Variants in ADARB1 observed in about 807,000 individuals in gnomAD.
The protein encoded by ADARB1 is double-stranded RNA-specific editase 1.
A neutral mutation model predicts 52.4 loss-of-function variants in ADARB1; 10 were observed. The observed-to-expected ratio is 0.19, with a 90% confidence interval of 0.12 to 0.32. The LOEUF is 0.32. ADARB1 is among the 10% of genes least tolerant of loss of function. ADARB1 has a pLI of 1.00. For synonymous variants in ADARB1, 349 were observed against 371.1 expected (o/e 0.94, Z 0.68); for missense variants, 643 against 922.3 (o/e 0.70, Z 3.92).
At chr21:45,185,243 C>A (rs2092062354) in intron 8 of ADARB1, 152 bp downstream of exon 8, 1 of 1,077,876 alleles carries the variant, frequency 9.3e-7, no homozygotes, top group South Asian at 1.7e-5. Context: ...AGGTTCTAAA[C>A]AGGTGCTGCT....
chr21:45,143,905 C>T (rs13047590), intron 2 of ADARB1, among the ~76,000 whole-genome samples: 28,145 of 152,172 alleles, frequency 0.18, 3,604 homozygotes, highest in African/African-American at 0.36. Flanking sequence ...TGACACTTGA[C>T]GGCAGTTCAT....
intron 8 of ADARB1, among the ~76,000 whole-genome samples, chr21:45,194,374 C>A (rs1021886580): frequency 5.9e-5 from 9 of 152,216 alleles, no homozygotes; most frequent in African/African-American, 2.2e-4. Flanking sequence ...CCTGTATCCA[C>A]CATCACAGTG....
rs982562564 is a variant in ADARB1, at chr21:45,142,851, G to C, written c.-48+14278G>C. Among the ~76,000 whole-genome samples the C allele has an allele frequency of 6.6e-6, 1 of 152,198 alleles. No homozygotes were observed. The highest frequency in any genetic ancestry group is 6.5e-5 in the Admixed American group (1 of 15,286). On this transcript the variant is annotated intron_variant, in intron 2 of 10. Coordinates refer to ENST00000348831, the MANE Select transcript of ADARB1 (RefSeq NM_001112.4). This position sits in a 1 kb window ranked among gnomAD's most constrained non-coding sequence, Gnocchi z 4.0. The stretch of plus-strand genomic sequence containing the variant: ...TGCCTACGGCCCTTGGCTAATAGAA[G>C]AGGGAGCAGGGCTTTGACCAGGGGG...
chr21:45,078,752 C>G (rs1344781292), intron 1 of ADARB1, among the ~76,000 whole-genome samples: 3 of 152,156 alleles, frequency 2.0e-5, no homozygotes, highest in Non-Finnish European at 2.9e-5. Context: ...CTTAAGGGAG[C>G]CTTTCTTCCT....
At chr21:45,135,640 C>T (rs58468220) in intron 2 of ADARB1, among the ~76,000 whole-genome samples, 17,573 of 152,136 alleles carry the variant, frequency 0.12, 1,331 homozygotes, top group East Asian at 0.26. Flanking sequence ...TAATTTAGGT[C>T]GAAAAGCAAA....
At chr21:45,187,852 G>T (rs1202583719) in intron 8 of ADARB1, among the ~76,000 whole-genome samples, 1 of 152,118 alleles carries the variant, frequency 6.6e-6, no homozygotes, top group Non-Finnish European at 1.5e-5. Context: ...TGCATTCCAG[G>T]AGTATCATAA....
rs139579807 is a variant in ADARB1 at position 45,075,122 on chromosome 21, C to T, written c.-220+329C>T. Among the ~76,000 whole-genome samples, 644 of 151,380 alleles carry T rather than the reference C, an allele frequency of 4.3e-3. 8 individuals carry two copies. The highest frequency in any genetic ancestry group is 0.013 in the Admixed American group (197 of 15,240). The stretch of plus-strand genomic sequence containing the variant: ...AGGTGCGCCGGGACGAGGCTGCGCC[C>T]TGGGGACCGAGACTGCGTTTTGGGG... On this transcript the variant is annotated intron_variant, in intron 1 of 10. Coordinates refer to ENST00000348831, the MANE Select transcript of ADARB1 (RefSeq NM_001112.4).
rs1036503572 is a variant in ADARB1, at chr21:45,198,492, TTAAATCA to T, written c.1566-6062_1566-6056del. Among the ~76,000 whole-genome samples the T allele has an allele frequency of 1.2e-3, 170 of 142,664 alleles. 2 individuals carry two copies. The highest frequency in any genetic ancestry group is 1.7e-3 in the African/African-American group (68 of 39,114). 93.6% of individuals were successfully genotyped at this position (142,664 alleles called of 152,430 possible). A position where few individuals can be genotyped will look rare whatever the true frequency, so the allele number is the denominator to read the frequency against. The stretch of plus-strand genomic sequence containing the variant: ...TTGGAATAGAACTCTGCCTATTAAA[TTAAATCA>T]CACACACACACACACACACACATAC... On this transcript the variant is annotated intron_variant, in intron 8 of 10. Coordinates refer to ENST00000348831, the MANE Select transcript of ADARB1 (RefSeq NM_001112.4).
In ADARB1 at chr21:45,148,873, T is replaced by TC. The variant is rs1258441527; in HGVS notation, c.-48+20300_-48+20301insC. Among the ~76,000 whole-genome samples the TC allele has an allele frequency of 2.6e-5, 4 of 152,318 alleles. 1 individual carries two copies. Among genetic ancestry groups the TC allele is most frequent in the Non-Finnish European group, 1.5e-5 (1 of 68,038 alleles). On this transcript the variant is annotated intron_variant, in intron 2 of 10. Coordinates refer to ENST00000348831, the MANE Select transcript of ADARB1 (RefSeq NM_001112.4). ...TCCACCCATGCCGCCATGGGAGAGT[T>TC]TAGGCTGTCTCGTCCCTGACTGGCC...
chr21:45,224,391 C>T lies in ADARB1; in HGVS notation c.*2194C>T, dbSNP rs923881043. ...GAGACCATGTGAGGTGGCACCTTTC[C>T]GGGGTGGACTCGTGCGGCCTTGAGG... On this transcript the variant is annotated 3_prime_UTR_variant, in exon 11 of 11. Transcript: ENST00000348831. The T allele has an allele frequency of 2.0e-5, 20 of 983,168 alleles. No individual in the cohort carries two copies. Among genetic ancestry groups the T allele is most frequent in the African/African-American group, 1.6e-4 (9 of 56,582 alleles). 60.9% of individuals were successfully genotyped at this position (983,168 alleles called of 1,614,324 possible).
intron 8 of ADARB1, among the ~76,000 whole-genome samples, chr21:45,191,709 A>G (rs1385218814): frequency 6.6e-6 from 1 of 151,346 alleles, no homozygotes; most frequent in Non-Finnish European, 1.5e-5. Context: ...ACTTTTTCTA[A>G]ACTTTTTAAT....
chr21:45,132,378 C>T, intron 2 of ADARB1: 1 of 152,210 alleles, frequency 6.6e-6, no homozygotes, highest in South Asian at 2.1e-4. Flanking sequence ...TCTGTCATTC[C>T]AGAGAGTTTT....
intron 1 of ADARB1, among the ~76,000 whole-genome samples, chr21:45,118,112 A>G (rs1170728342): frequency 3.3e-5 from 5 of 152,234 alleles, no homozygotes; most frequent in Non-Finnish European, 7.3e-5. Context: ...ATGATAGTAT[A>G]TTTTGCCATA....
At chr21:45,197,552 C>T (rs147685891) in intron 8 of ADARB1, among the ~76,000 whole-genome samples, 1 of 151,544 alleles carries the variant, frequency 6.6e-6, no homozygotes, top group African/African-American at 2.4e-5. Flanking sequence ...CTAGCCATTT[C>T]ACTCCTAGTG....
At chr21:45,203,653 G>A (rs1193166148) in intron 8 of ADARB1, among the ~76,000 whole-genome samples, 1 of 152,218 alleles carries the variant, frequency 6.6e-6, no homozygotes, top group African/African-American at 2.4e-5. Context: ...CATCATTGGT[G>A]TCATGCATGT....
At chr21:45,170,385 C>T (rs183754877) in intron 2 of ADARB1, among the ~76,000 whole-genome samples, 38 of 152,218 alleles carry the variant, frequency 2.5e-4, no homozygotes, top group African/African-American at 8.2e-4. Context: ...GTGCTTTGCA[C>T]GTAATAGATT....
chr21:45,087,898 A>G (rs2123667142), intron 1 of ADARB1, among the ~76,000 whole-genome samples: 1 of 152,208 alleles, frequency 6.6e-6, no homozygotes, highest in African/African-American at 2.4e-5. Context: ...AATAGTAGTA[A>G]ATTTTTTTCT....
In ADARB1 at chr21:45,079,826, G is replaced by A. The variant is rs549867736; in HGVS notation, c.-220+5033G>A. Among the ~76,000 whole-genome samples the A allele has an allele frequency of 4.6e-5, 7 of 152,284 alleles. No individual in the cohort carries two copies. The South Asian group carries it at 6.2e-4, about 14-fold the overall frequency. On this transcript the variant is annotated intron_variant, in intron 1 of 10. Coordinates refer to ENST00000348831, the MANE Select transcript of ADARB1 (RefSeq NM_001112.4). ...AGGTCAGGTTCAAGAAGAGGTTGGGGCCAAATATGTAAATTTGGGAGTCAT... is the reference window on the plus strand; with the variant it reads ...AGGTCAGGTTCAAGAAGAGGTTGGGACCAAATATGTAAATTTGGGAGTCAT...
intron 1 of ADARB1, among the ~76,000 whole-genome samples, chr21:45,117,204 C>A (rs536739360): frequency 3.3e-5 from 5 of 152,316 alleles, no homozygotes; most frequent in African/African-American, 1.2e-4. Context: ...TTCCCAGCCT[C>A]CTTCTCCAGG....
Sources: allele counts gnomAD v4.1 joint callset (sites outside exome capture counted in the v4.1 genomes callset), GRCh38; gene constraint gnomAD v4.1.1; non-coding constraint Gnocchi (gnomAD v3.1); transcripts MANE v1.5; gene names NCBI Gene and HGNC (gene_info 2026-07-23, HGNC 2026-07-21).